ASXL3: variants seen among roughly 807,000 people sequenced by gnomAD.
ASXL3 encodes ASXL transcriptional regulator 3.
In ASXL3, 34 loss-of-function variants were observed where a neutral mutation model predicts 170.6. That is an observed-to-expected ratio of 0.20 (90% CI 0.15 to 0.27). ASXL3 has a LOEUF of 0.27. Ranked by LOEUF, ASXL3 falls within the 10% of genes least tolerant of loss-of-function variation. The probability of loss-of-function intolerance (pLI) is 1.00; values close to 1 mark genes in which losing one functional copy is unlikely to be tolerated. For synonymous variants in ASXL3, 1,002 were observed against 989.1 expected, an observed-to-expected ratio of 1.01 and a Z score of -0.24; for missense variants, 2,592 against 2,695.3, an observed-to-expected ratio of 0.96 and a Z score of 0.85.
chr18:33,698,694 A>G (rs1448946117), intron 8 of ASXL3, among the ~76,000 whole-genome samples: 1 of 152,158 alleles, frequency 6.6e-6, no homozygotes, highest in Non-Finnish European at 1.5e-5. Flanking sequence ...CAGAAAAGTA[A>G]TCATCAGTGA....
At chr18:33,607,017 AAATCGGAAG>A (rs2065259415) in intron 1 of ASXL3, among the ~76,000 whole-genome samples, 1 of 151,962 alleles carries the variant, frequency 6.6e-6, no homozygotes, top group Non-Finnish European at 1.5e-5. Flanking sequence ...GAGATAGGCT[AAATCGGAAG>A]AGGAAAGGGC....
rs767118400 is a variant in ASXL3, at chr18:33,744,644, A to G, written c.4796A>G (p.Asn1599Ser). The change falls in exon 12 of 12, where the codon AAT (asparagine) becomes AGT (serine). Residue 1599 changes from asparagine (N) to serine (S), a missense_variant. This residue lies in a region of ASXL3 where 2,246 missense variants were observed against 2,219.6 expected (regional missense o/e 1.01). Transcript: ENST00000269197. ...AGTGAAGCAGACACAACCTGTAGCA[A>G]TCAGTATAACCCAAGTAACCGGATT... ...FKSEADTTCS[N>S]QYNPSNRICW... 3 of 1,606,758 alleles carry G rather than the reference A, an allele frequency of 1.9e-6. No individual in the cohort carries two copies. In the Admixed American group the frequency reaches 5.1e-5, roughly 27 times the overall value.
At chr18:33,587,468 G>C (rs565723075) in intron 1 of ASXL3, among the ~76,000 whole-genome samples, 2 of 152,238 alleles carry the variant, frequency 1.3e-5, no homozygotes, top group South Asian at 4.1e-4. Context: ...TTATGTGAAA[G>C]TCTTTGGATA....
At chr18:33,595,240 T>A in intron 1 of ASXL3, among the ~76,000 whole-genome samples, 1 of 152,224 alleles carries the variant, frequency 6.6e-6, no homozygotes. Context: ...AATGTTTATT[T>A]TTTTAGATAT....
intron 1 of ASXL3, among the ~76,000 whole-genome samples, chr18:33,596,902 A>C (rs1477580173): frequency 6.6e-6 from 1 of 151,946 alleles, no homozygotes; most frequent in East Asian, 1.9e-4. Context: ...TGCAATCTCC[A>C]CCTCTCAGAC....
At chr18:33,641,763 CTTTT>C (rs928529136) in intron 2 of ASXL3, 8 of 152,426 alleles carry the variant, frequency 5.2e-5, no homozygotes, top group Admixed American at 3.9e-4. Flanking sequence ...TTCTTCCTTT[CTTTT>C]TGTTTTCCTT....
chr18:33,587,796 G>A (rs867122600), intron 1 of ASXL3, among the ~76,000 whole-genome samples: 12 of 151,644 alleles, frequency 7.9e-5, no homozygotes, highest in Non-Finnish European at 1.5e-4. Context: ...AACTTAGTAG[G>A]AAAAAACAAA....
chr18:33,731,266 T>C (rs944636533), intron 8 of ASXL3, among the ~76,000 whole-genome samples: 5 of 152,158 alleles, frequency 3.3e-5, no homozygotes, highest in Non-Finnish European at 7.4e-5. Context: ...TTATAATTAG[T>C]GCTTAGGATA....
At chr18:33,673,158 A>G (rs1043501845) in intron 7 of ASXL3, among the ~76,000 whole-genome samples, 1 of 152,308 alleles carries the variant, frequency 6.6e-6, no homozygotes, top group African/African-American at 2.4e-5. Flanking sequence ...CTAAAAATCC[A>G]AAACAGTACC....
rs995632715 is a variant in ASXL3 at position 33,744,807 on chromosome 18, A to G, written c.4959A>G (p.Ser1653=). 1.9e-6 allele frequency: 3 copies of G among 1,613,954 alleles called. No individual in the cohort carries two copies. In the African/African-American group the frequency reaches 4.0e-5, roughly 22 times the overall value. The change falls in exon 12 of 12, where the codon TCA becomes TCG. Residue 1653 remains serine (S), a synonymous_variant. Transcript: ENST00000269197. The stretch of plus-strand genomic sequence containing the variant: ...AACATGCCAACTACTTGAACGTGTC[A>G]GAACTTCATCCCAGGAATCTTGTAA... The part of the protein sequence containing the change: ...KTEHANYLNV[S]ELHPRNLVTN...
intron 1 of ASXL3, among the ~76,000 whole-genome samples, chr18:33,586,981 ACTC>A (rs1311457342): frequency 6.6e-6 from 1 of 151,642 alleles, no homozygotes; most frequent in African/African-American, 2.4e-5. Context: ...CTCACATTTA[ACTC>A]CTCCTCTATT....
At chr18:33,638,389 C>T (rs1307064261) in intron 2 of ASXL3, among the ~76,000 whole-genome samples, 1 of 151,982 alleles carries the variant, frequency 6.6e-6, no homozygotes, top group East Asian at 1.9e-4. Flanking sequence ...TAAGTTTCTT[C>T]TTCCTTTGTT....
chr18:33,578,391 G>GCGCCGC lies in ASXL3; in HGVS notation c.-229_-224dup, dbSNP rs1273857250. 1.7e-5 allele frequency: 1 copy of GCGCCGC among 57,148 alleles called. No individual in the cohort carries two copies. The highest frequency in any genetic ancestry group is 3.2e-5 in the Non-Finnish European group (1 of 31,460). 3.5% of individuals were successfully genotyped at this position (57,148 alleles called of 1,614,324 possible). ...CCCCCGCCCCCGGCCCGCCCGCCGCGCGCCGCCGCCGCCGCCGTCGCGCGC... is the reference window on the plus strand; with the variant it reads ...CCCCCGCCCCCGGCCCGCCCGCCGCGCGCCGCCGCCGCCGCCGCCGCCGTCGCGCGC... On this transcript the variant is annotated 5_prime_UTR_variant, in exon 1 of 12. Transcript: ENST00000269197.
chr18:33,681,864 ACTGCCCTCTATATATTTTCC>A (rs2066521248), intron 7 of ASXL3, among the ~76,000 whole-genome samples: 1 of 152,006 alleles, frequency 6.6e-6, no homozygotes, highest in African/African-American at 2.4e-5. Flanking sequence ...TCATTTTTAT[ACTGCCCTCTATATATTTTCC>A]TTAAGTTTGT....
At chr18:33,720,361 T>C (rs1189952916) in intron 8 of ASXL3, among the ~76,000 whole-genome samples, 1 of 152,060 alleles carries the variant, frequency 6.6e-6, no homozygotes, top group African/African-American at 2.4e-5. Flanking sequence ...CAGTGATTCA[T>C]TGATTCCCAC....
intron 1 of ASXL3, among the ~76,000 whole-genome samples, chr18:33,600,062 T>G (rs1568270234): frequency 1.3e-5 from 2 of 152,158 alleles, no homozygotes; most frequent in Non-Finnish European, 2.9e-5. Flanking sequence ...TGAGTGTAAT[T>G]CTTAAATGTA....
intron 3 of ASXL3, among the ~76,000 whole-genome samples, chr18:33,645,818 G>C (rs997339595): frequency 1.3e-5 from 2 of 151,842 alleles, no homozygotes; most frequent in South Asian, 4.1e-4. Context: ...CTAAGCATCA[G>C]GCTGTGGTCT....
rs989033931 is a variant in ASXL3, at chr18:33,630,097, T to C, written c.138-14797T>C. Reference sequence around the variant, plus strand: ...GAAATTAAAACAAGAACTAGGTGTATTGAATTTCTTTTAGGCCTACTACTG... The same window carrying C: ...GAAATTAAAACAAGAACTAGGTGTACTGAATTTCTTTTAGGCCTACTACTG... On this transcript the variant is annotated intron_variant, in intron 2 of 11. Transcript: ENST00000269197. Among the ~76,000 whole-genome samples the C allele has an allele frequency of 3.3e-5, 5 of 151,992 alleles. No individual in the cohort carries two copies. The East Asian group carries it at 9.7e-4, about 29-fold the overall frequency.
chr18:33,637,905 A>G (rs1276290733), intron 2 of ASXL3, among the ~76,000 whole-genome samples: 1 of 152,124 alleles, frequency 6.6e-6, no homozygotes, highest in Non-Finnish European at 1.5e-5. Flanking sequence ...TTTCATATGT[A>G]TTCAGAAAAT....
Sources: allele counts gnomAD v4.1 joint callset (sites outside exome capture counted in the v4.1 genomes callset), GRCh38; gene constraint gnomAD v4.1.1; regional missense constraint gnomAD v4.1.1; transcripts MANE v1.5; gene names NCBI Gene and HGNC (gene_info 2026-07-23, HGNC 2026-07-21).